Variants in SCART1 observed in about 807,000 individuals in gnomAD.
SCART1 encodes the protein scavenger receptor family member expressed on T cells 1, also known as scavenger receptor cysteine-rich domain-containing protein SCART1.
In SCART1, 62 loss-of-function variants were observed where a neutral mutation model predicts 36.2. The observed-to-expected ratio is 1.71, with a 90% CI of 1.40 to 2.12. The LOEUF (loss-of-function observed/expected upper bound fraction) is 2.12, where lower values mean the gene tolerates loss of function less well. Among genes scored for constraint, SCART1 ranks in the 30% most tolerant of loss-of-function variants. The pLI, the probability that SCART1 is intolerant of heterozygous loss-of-function variation, is 0.00. For missense variants in SCART1, 1,041 were observed against 540.5 expected (o/e 1.93, Z -9.18); for synonymous variants, 487 against 238.7 (o/e 2.04, Z -9.59).
chr10:133,465,318 G>A (rs1406197916), exon 9 of SCART1: 3 of 681,066 alleles, frequency 4.4e-6, no homozygotes, highest in South Asian at 3.1e-5. Context: ...TCTGGCACGC[G>A]GGCTCCTGGG....
intron 6 of SCART1, chr10:133,464,232 T>C: frequency 4.2e-6 from 1 of 240,962 alleles, no homozygotes; most frequent in Non-Finnish European, 7.9e-6. Flanking sequence ...ATTACACTCA[T>C]TCCACATCTT....
chr10:133,465,448 G>A, exon 9 of SCART1: 1 of 538,322 alleles, frequency 1.9e-6, no homozygotes. Context: ...CTCCGGGCCC[G>A]TGTGGCTGGA....
At chr10:133,462,594 G>A (rs548054213) in intron 6 of SCART1, among the ~76,000 whole-genome samples, 13 of 152,356 alleles carry the variant, frequency 8.5e-5, no homozygotes, top group African/African-American at 3.1e-4. Flanking sequence ...GCAGCAAGGT[G>A]TGTGGCTCCG....
chr10:133,469,069 A>T (rs1049062732), exon 12 of SCART1: 5 of 152,216 alleles, frequency 3.3e-5, no homozygotes, highest in African/African-American at 1.2e-4. Context: ...AATAATCGCC[A>T]TTCTAACTGG....
At chr10:133,460,471 CATAT>C (rs55751015) in intron 6 of SCART1, among the ~76,000 whole-genome samples, 6,062 of 136,472 alleles carry the variant, frequency 0.044, 258 homozygotes, top group East Asian at 0.15. Flanking sequence ...ATCCGAAATT[CATAT>C]ATATATATAT....
intron 5 of SCART1, 62 bp from the exon 6 acceptor site, chr10:133,459,425 T>TG (rs1358595258): frequency 4.9e-6 from 3 of 615,930 alleles, no homozygotes; most frequent in South Asian, 3.8e-5. Flanking sequence ...CGGGCCCTGC[T>TG]GGGGGGTGGT....
Position 133,454,667 on chromosome 10 carries a change from G to C in SCART1, c.67+603G>C, listed in dbSNP as rs543193662. ...CATGGAGCCATGATGTGAGTGTGGG[G>C]CTGGGCGGGAGGCAGGGGAGGGTGC... is the stretch of plus-strand genomic sequence containing the variant. On this transcript the variant is annotated intron_variant, in intron 1 of 11. Coordinates refer to ENST00000640237, the Ensembl canonical transcript of SCART1. 2.6e-5 allele frequency among the ~76,000 whole-genome samples: 4 copies of C among 152,298 alleles called. No individual in the cohort carries two copies. In the East Asian group the frequency reaches 5.8e-4, roughly 22 times the overall value.
intron 3 of SCART1, chr10:133,457,955 C>T (rs1850640722): frequency 2.0e-6 from 1 of 512,342 alleles, no homozygotes. Context: ...AGCTCCTGGC[C>T]TTGTTGTGCA....
exon 12 of SCART1, chr10:133,467,993 A>AG: frequency 1.5e-6 from 1 of 660,448 alleles, no homozygotes; most frequent in Non-Finnish European, 2.8e-6. Flanking sequence ...GAGATACACC[A>AG]GCTGGCTGTC....
exon 9 of SCART1, chr10:133,465,544 G>A (rs1414448182): frequency 1.9e-6 from 1 of 540,426 alleles, no homozygotes; most frequent in East Asian, 3.3e-5. Context: ...GCACGAGGAG[G>A]ACGCGGGCGT....
chr10:133,453,990 G>T (rs1296527263), exon 1 of SCART1: 2 of 702,900 alleles, frequency 2.8e-6, no homozygotes, highest in African/African-American at 3.5e-5. Flanking sequence ...CCAGAGGGCT[G>T]TGGGACCATG....
In SCART1 at chr10:133,457,231, C is replaced by T. The variant is rs754737262; in HGVS notation, c.386-48C>T. 5.8e-5 allele frequency: 40 copies of T among 684,540 alleles called. No homozygotes were observed. In the East Asian group the frequency reaches 8.1e-4, roughly 14 times the overall value. 42.4% of individuals were successfully genotyped at this position (684,540 alleles called of 1,614,324 possible). On this transcript the variant is annotated intron_variant, in intron 2 of 11. Coordinates refer to ENST00000640237, the Ensembl canonical transcript of SCART1. ...AAAAAGGAGCTGCCGAGTGACCATG[C>T]GGCCAGCTGGGTCCATACCTTAAGG... is the stretch of plus-strand genomic sequence containing the variant.
chr10:133,465,083 C>T, intron 7 of SCART1, 23 bp from the exon 8 acceptor site: 1 of 702,996 alleles, frequency 1.4e-6, no homozygotes, highest in Non-Finnish European at 2.6e-6. Context: ...CCGAAGCTCT[C>T]AGAGCTGCTG....
intron 6 of SCART1, among the ~76,000 whole-genome samples, chr10:133,461,299 C>G (rs2250868): frequency 0.78 from 118,474 of 151,644 alleles, 47,552 homozygotes; most frequent in Middle Eastern, 0.92. Context: ...GGCTGCCCAT[C>G]TGACCTGTGG....
exon 5 of SCART1, chr10:133,459,082 G>T: frequency 1.4e-6 from 1 of 696,934 alleles, no homozygotes; most frequent in Non-Finnish European, 2.6e-6. Context: ...AGGTGCAGGG[G>T]TCCTGGGCAC....
chr10:133,460,019 G>C (rs1218489280), exon 6 of SCART1: 2 of 527,286 alleles, frequency 3.8e-6, no homozygotes, highest in Admixed American at 4.0e-5. Flanking sequence ...TGAGCGCCCT[G>C]GGGGCCGCAC....
chr10:133,468,930 C>T (rs1850790372), exon 12 of SCART1: 1 of 152,050 alleles, frequency 6.6e-6, no homozygotes, highest in African/African-American at 2.4e-5. Flanking sequence ...GAGGATTATT[C>T]AGGTCTCATA....
chr10:133,464,672 A>G (rs752966098), exon 7 of SCART1: 116 of 694,542 alleles, frequency 1.7e-4, no homozygotes, highest in Non-Finnish European at 2.2e-4. Context: ...GTGTTCTACA[A>G]TGGGACCTGG....
exon 1 of SCART1, chr10:133,453,982 A>T (rs1376089214): frequency 2.8e-6 from 2 of 702,866 alleles, no homozygotes; most frequent in South Asian, 3.0e-5. Context: ...GCTGAAGCCC[A>T]GAGGGCTGTG....
Sources: gnomAD v4.1 joint callset for allele counts (sites outside exome capture counted in the v4.1 genomes callset) on GRCh38, gnomAD v4.1.1 for gene constraint, MANE v1.5 for transcripts, NCBI Gene and HGNC (gene_info 2026-07-23, HGNC 2026-07-21) for gene names.